Variants in GASK1B observed in about 807,000 individuals in gnomAD.
The protein encoded by GASK1B is Golgi-associated kinase 1B.
A neutral mutation model predicts 42.8 loss-of-function variants in GASK1B; 34 were observed. The observed-to-expected ratio is 0.79, with a 90% CI of 0.60 to 1.06. The LOEUF (loss-of-function observed/expected upper bound fraction) is 1.06, where lower values mean the gene tolerates loss of function less well. GASK1B is among the 50% of genes least tolerant of loss of function. GASK1B has a pLI of 0.00. For missense variants in GASK1B, 686 were observed against 661.0 expected, an observed-to-expected ratio of 1.04 and a Z score of -0.42; for synonymous variants, 262 against 259.1, an observed-to-expected ratio of 1.01 and a Z score of -0.11.
chr4:158,164,646 A>C (rs1732157175), intron 2 of GASK1B, among the ~76,000 whole-genome samples: 1 of 152,212 alleles, frequency 6.6e-6, no homozygotes, highest in Admixed American at 6.5e-5. Context: ...ACTCCTAAAT[A>C]AATATTTTCA....
intron 2 of GASK1B, among the ~76,000 whole-genome samples, chr4:158,162,300 T>G (rs924160908): frequency 6.6e-6 from 1 of 152,162 alleles, no homozygotes; most frequent in Admixed American, 6.5e-5. Context: ...TGCTTCACTG[T>G]CTCCTGTCTT....
At chr4:158,131,621 G>A (rs1730686754) in intron 3 of GASK1B, among the ~76,000 whole-genome samples, 1 of 152,124 alleles carries the variant, frequency 6.6e-6, no homozygotes, top group Non-Finnish European at 1.5e-5. Flanking sequence ...AGTTTATTAT[G>A]GGAGTTAAGG....
In GASK1B at chr4:158,126,638, C is replaced by G. The variant is rs977687996; in HGVS notation, c.*769G>C. 6.6e-6 allele frequency: 1 copy of G among 151,872 alleles called. No individual in the cohort carries two copies. Among genetic ancestry groups the G allele is most frequent in the African/African-American group, 2.4e-5 (1 of 41,350 alleles). The allele number at this position is 151,872 out of a possible 1,614,324, so 9.4% of individuals were successfully genotyped here. A position where few individuals can be genotyped will look rare whatever the true frequency, so the allele number is the denominator to read the frequency against. On this transcript the variant is annotated 3_prime_UTR_variant, in exon 5 of 5. Transcript: ENST00000585682. ...TGTAAGTACATTTTCAGATAGGTAACTTCATACTTTAGAATTATTTAATTT... is the reference window on the plus strand; with the variant it reads ...TGTAAGTACATTTTCAGATAGGTAAGTTCATACTTTAGAATTATTTAATTT...
chr4:158,128,059 T>C (rs2110919635), intron 4 of GASK1B, among the ~76,000 whole-genome samples: 1 of 152,324 alleles, frequency 6.6e-6, no homozygotes, highest in Non-Finnish European at 1.5e-5. Flanking sequence ...TTCAATAAAG[T>C]ATTCTGCCTG....
At chr4:158,129,214 A>C (rs746230625) in intron 4 of GASK1B, among the ~76,000 whole-genome samples, 2 of 152,230 alleles carry the variant, frequency 1.3e-5, no homozygotes, top group Non-Finnish European at 2.9e-5. Flanking sequence ...AGAAGAAATA[A>C]AGATATTCAC....
chr4:158,151,590 G>A (rs923202230), intron 3 of GASK1B, among the ~76,000 whole-genome samples: 1 of 152,132 alleles, frequency 6.6e-6, no homozygotes, highest in Non-Finnish European at 1.5e-5. Flanking sequence ...CCAACCAACT[G>A]AATTGACCTC....
At chr4:158,138,277 C>T (rs1730982170) in intron 3 of GASK1B, among the ~76,000 whole-genome samples, 1 of 152,056 alleles carries the variant, frequency 6.6e-6, no homozygotes, top group Admixed American at 6.5e-5. Context: ...CTATAATTTG[C>T]ACAAGCAGAG....
chr4:158,159,393 G>A (rs1731881602), intron 2 of GASK1B: 1 of 348,060 alleles, frequency 2.9e-6, no homozygotes, highest in South Asian at 2.2e-5. Flanking sequence ...GAGTACTACT[G>A]TTGAGGAGAA....
At chr4:158,135,829 A>C (rs1012161612) in intron 3 of GASK1B, among the ~76,000 whole-genome samples, 10 of 152,190 alleles carry the variant, frequency 6.6e-5, no homozygotes, top group African/African-American at 2.2e-4. Flanking sequence ...ATGACATTAC[A>C]GTTAAATTTT....
In GASK1B at chr4:158,170,523, T is replaced by G. The variant is rs760097949; in HGVS notation, c.853A>C (p.Ile285Leu). Residue 285 changes from isoleucine to leucine, a missense_variant, in exon 2 of 5, where the codon ATC becomes CTC. Coordinates refer to ENST00000585682, the MANE Select transcript of GASK1B (RefSeq NM_001128424.2). Reference protein sequence around the residue: ...SEVFAFHLDRILGLNRTLPSV... With the variant: ...SEVFAFHLDRLLGLNRTLPSV... ...GGCAGGGTCCTGTTGAGCCCCAGGA[T>G]CCTGTCTAGGTGGAAGGCAAACACC... is the stretch of plus-strand genomic sequence containing the variant. 1.5e-5 allele frequency: 25 copies of G among 1,614,126 alleles called. No individual in the cohort carries two copies. The South Asian group carries it at 2.6e-4, about 17-fold the overall frequency.
In GASK1B at chr4:158,170,494, A is replaced by G; in HGVS notation, c.882T>C (p.Ser294=). 1 of 1,614,266 alleles carries G rather than the reference A, an allele frequency of 6.2e-7. No homozygotes were observed. Among genetic ancestry groups the G allele is most frequent in the Non-Finnish European group, 8.5e-7 (1 of 1,180,048 alleles). ...RILGLNRTLP[S]VSRKAEFIQD... ...GGATGAACTCTGCTTTCCTGCTCAC[A>G]GACGGCAGGGTCCTGTTGAGCCCCA... The change falls in exon 2 of 5, where the codon TCT becomes TCC. Residue 294 remains serine, a synonymous_variant. Transcript: ENST00000585682.
chr4:158,143,195 G>A (rs957825078), intron 3 of GASK1B, among the ~76,000 whole-genome samples: 1 of 152,166 alleles, frequency 6.6e-6, no homozygotes, highest in African/African-American at 2.4e-5. Context: ...TAATGTGGAT[G>A]TGGAAAGTAG....
At chr4:158,141,727 T>C (rs10016822) in intron 3 of GASK1B, among the ~76,000 whole-genome samples, 130,889 of 147,990 alleles carry the variant, frequency 0.88, 58,853 homozygotes, top group East Asian at 0.98. Flanking sequence ...CTGCCTCAGC[T>C]TCCCGAGTAG....
chr4:158,168,350 G>A (rs148344264), intron 2 of GASK1B: 1 of 152,122 alleles, frequency 6.6e-6, no homozygotes. Flanking sequence ...ATATCTAAGA[G>A]GGATTGGGAT....
chr4:158,135,054 C>A (rs747982965), intron 3 of GASK1B, among the ~76,000 whole-genome samples: 4 of 152,020 alleles, frequency 2.6e-5, no homozygotes, highest in Non-Finnish European at 5.9e-5. Flanking sequence ...ATATTTTGGC[C>A]GAGCATGCTG....
chr4:158,132,583 C>T (rs1730723522), intron 3 of GASK1B, among the ~76,000 whole-genome samples: 1 of 152,198 alleles, frequency 6.6e-6, no homozygotes, highest in African/African-American at 2.4e-5. Context: ...AAAGGACTTT[C>T]TTCTCTGTTT....
intron 4 of GASK1B, among the ~76,000 whole-genome samples, chr4:158,129,642 C>T (rs1730600393): frequency 6.6e-6 from 1 of 152,032 alleles, no homozygotes; most frequent in Non-Finnish European, 1.5e-5. Context: ...ACAGAATTAG[C>T]ACCACAGTTA....
intron 3 of GASK1B, among the ~76,000 whole-genome samples, chr4:158,151,690 A>C (rs2110981974): frequency 6.6e-6 from 1 of 152,260 alleles, no homozygotes; most frequent in Non-Finnish European, 1.5e-5. Context: ...AAACTACAAA[A>C]CCTAGAGGAG....
chr4:158,159,320 T>A (rs1731876570), intron 2 of GASK1B, among the ~76,000 whole-genome samples: 1 of 152,100 alleles, frequency 6.6e-6, no homozygotes, highest in Non-Finnish European at 1.5e-5. Flanking sequence ...TTGCTACATA[T>A]ACGTGTGTGT....
Sources: gnomAD v4.1 joint callset for allele counts (sites outside exome capture counted in the v4.1 genomes callset) on GRCh38, gnomAD v4.1.1 for gene constraint, MANE v1.5 for transcripts, NCBI Gene and HGNC (gene_info 2026-07-23, HGNC 2026-07-21) for gene names.